COL4A4: variants seen among roughly 807,000 people sequenced by gnomAD.
COL4A4 encodes the protein collagen type IV alpha 4 chain, also known as collagen alpha-4(IV) chain.
Under a neutral mutation model 192.9 loss-of-function variants are expected in COL4A4, and 105 were observed. The observed-to-expected ratio is 0.54, with a 90% CI of 0.46 to 0.64. The LOEUF is 0.64. COL4A4 is among the 30% of genes least tolerant of loss of function. The probability of loss-of-function intolerance (pLI) is 0.00; values close to 1 mark genes in which losing one functional copy is unlikely to be tolerated. For missense variants in COL4A4, 1,967 were observed against 2,169.3 expected, an observed-to-expected ratio of 0.91 and a Z score of 1.85; for synonymous variants, 762 against 769.9, an observed-to-expected ratio of 0.99 and a Z score of 0.17.
At chr2:227,017,854 A>G (rs2149812471) in intron 44 of COL4A4, among the ~76,000 whole-genome samples, 1 of 152,272 alleles carries the variant, frequency 6.6e-6, no homozygotes, top group East Asian at 1.9e-4. Flanking sequence ...TTACATAGGT[A>G]AACTCATGTC....
chr2:227,161,140 A>G (rs1208441025), intron 1 of COL4A4, among the ~76,000 whole-genome samples: 2 of 152,248 alleles, frequency 1.3e-5, no homozygotes, highest in African/African-American at 2.4e-5. Flanking sequence ...AAGTCATTCA[A>G]CTTCATTTGT....
chr2:227,067,872 C>T (rs1322357048), intron 25 of COL4A4, among the ~76,000 whole-genome samples: 2 of 144,608 alleles, frequency 1.4e-5, no homozygotes, highest in African/African-American at 5.2e-5. Flanking sequence ...AAAATCAGAG[C>T]AGGACTGAAA....
chr2:226,984,980 A>G, the COL4A4 span, among the ~76,000 whole-genome samples: 1 of 150,742 alleles, frequency 6.6e-6, no homozygotes, highest in Non-Finnish European at 1.5e-5. Flanking sequence ...GGGGGCAAGT[A>G]CAAGTGGGGG....
chr2:227,028,154 C>G lies in COL4A4; in HGVS notation c.3974-145G>C. 2 of 672,130 alleles carry G rather than the reference C, an allele frequency of 3.0e-6. 1 individual carries two copies. Among genetic ancestry groups the G allele is most frequent in the Non-Finnish European group, 5.2e-6 (2 of 386,652 alleles). The allele number at this position is 672,130 out of a possible 1,614,324, so 41.6% of individuals were successfully genotyped here. A position where few individuals can be genotyped will look rare whatever the true frequency, so the allele number is the denominator to read the frequency against. On this transcript the variant is annotated intron_variant, in intron 41 of 47. Transcript: ENST00000396625. ...TGAGAGTCAAGATTAGCCTCGCCTTCTTCTGTGAGGCTTAGACGGGTTGCC... is the reference window on the plus strand; with the variant it reads ...TGAGAGTCAAGATTAGCCTCGCCTTGTTCTGTGAGGCTTAGACGGGTTGCC...
intron 3 of COL4A4, among the ~76,000 whole-genome samples, chr2:227,141,933 A>G (rs1427243132): frequency 2.6e-5 from 4 of 152,140 alleles, no homozygotes; most frequent in Non-Finnish European, 5.9e-5. Flanking sequence ...TGAAATATCA[A>G]AACAACTAGA....
Position 227,150,629 on chromosome 2 carries a change from G to A in COL4A4, c.-101-3045C>T, listed in dbSNP as rs191358738. Among the ~76,000 whole-genome samples the A allele has an allele frequency of 9.8e-4, 149 of 152,246 alleles. No individual in the cohort carries two copies. The South Asian group carries it at 0.02, about 20-fold the overall frequency. On this transcript the variant is annotated intron_variant, in intron 1 of 47. Coordinates refer to ENST00000396625, the MANE Select transcript of COL4A4 (RefSeq NM_000092.5). Reference sequence around the variant, plus strand: ...AGGAGATTAATTGATTTGCATTTCCGCATGGTTGGGGAGGCCTCAGGAAAT... The same window carrying A: ...AGGAGATTAATTGATTTGCATTTCCACATGGTTGGGGAGGCCTCAGGAAAT...
At chr2:226,988,650 A>C in the COL4A4 span, 2 of 985,180 alleles carry the variant, frequency 2.0e-6, no homozygotes, top group Non-Finnish European at 1.2e-6. Context: ...TTCTGAGAGG[A>C]AGGTAGGATT....
rs551047850 is a variant in COL4A4, at chr2:227,076,951, G to A, written c.1987+943C>T. 6.0e-4 allele frequency among the ~76,000 whole-genome samples: 92 copies of A among 152,176 alleles called. No individual in the cohort carries two copies. The Middle Eastern group carries it at 0.017, about 28-fold the overall frequency. On this transcript the variant is annotated intron_variant, in intron 25 of 47. Transcript: ENST00000396625. ...AAACCACAATGAGATACCATCTCAC[G>A]GCAGTTAGAGTAGAGATTATTAAAA...
At chr2:227,160,274 G>A (rs1017612116) in intron 1 of COL4A4, among the ~76,000 whole-genome samples, 1 of 152,190 alleles carries the variant, frequency 6.6e-6, no homozygotes, top group African/African-American at 2.4e-5. Context: ...GGCACGATGT[G>A]TGTGATGAGT....
At chr2:227,077,836 A>G in intron 25 of COL4A4, 58 bp downstream of exon 25, 2 of 1,470,846 alleles carry the variant, frequency 1.4e-6, no homozygotes, top group Non-Finnish European at 1.9e-6. Context: ...TCCACATAAG[A>G]AAAATAAACA....
rs1559475590 is a variant in COL4A4 at position 227,041,767 on chromosome 2, G to GGA, written c.3505+380_3505+381insTC. Among the ~76,000 whole-genome samples, 118 of 114,438 alleles carry GGA rather than the reference G, an allele frequency of 1.0e-3. 1 individual carries two copies. The highest frequency in any genetic ancestry group is 1.2e-3 in the African/African-American group (31 of 25,564). 75.1% of individuals were successfully genotyped at this position (114,438 alleles called of 152,430 possible). ...GGAAGGAAGGAAGGAAGGAAGGAAG[G>GGA]AAGGAAGGAAGGAAGGAAGGGAAAG... On this transcript the variant is annotated intron_variant, in intron 37 of 47. Transcript: ENST00000396625.
At chr2:227,047,600 C>T (rs1973153558) in intron 34 of COL4A4, 51 bp from the exon 35 acceptor site, 1 of 1,270,018 alleles carries the variant, frequency 7.9e-7, no homozygotes, top group African/African-American at 1.5e-5. Context: ...TTAATTTGGT[C>T]TCATACAGGT....
intron 20 of COL4A4, among the ~76,000 whole-genome samples, chr2:227,090,587 T>C (rs56281628): frequency 0.43 from 65,262 of 151,258 alleles, 14,643 homozygotes; most frequent in South Asian, 0.53. Flanking sequence ...CCCCCATCTC[T>C]GCAAAATCAC....
intron 8 of COL4A4, among the ~76,000 whole-genome samples, chr2:227,113,411 C>T (rs78374820): frequency 0.035 from 5,295 of 152,160 alleles, 303 homozygotes; most frequent in African/African-American, 0.12. Context: ...TCCTCTATTA[C>T]CACAATTACA....
intron 37 of COL4A4, among the ~76,000 whole-genome samples, chr2:227,041,034 G>C (rs544582489): frequency 3.9e-5 from 6 of 151,976 alleles, no homozygotes; most frequent in Non-Finnish European, 7.4e-5. Flanking sequence ...TACAGACCAA[G>C]AAATTCAACC....
intron 1 of COL4A4, among the ~76,000 whole-genome samples, chr2:227,160,318 TC>T (rs2064719496): frequency 6.6e-6 from 1 of 152,210 alleles, no homozygotes; most frequent in African/African-American, 2.4e-5. Context: ...TCCCACTCTT[TC>T]CAGGCATGTG....
chr2:227,072,298 C>T (rs1256983683), intron 25 of COL4A4, among the ~76,000 whole-genome samples: 1 of 151,826 alleles, frequency 6.6e-6, no homozygotes, highest in Non-Finnish European at 1.5e-5. Flanking sequence ...ACTAGGAAAT[C>T]TAGAGGAAAT....
At chr2:227,161,090 G>A (rs947156650) in intron 1 of COL4A4, among the ~76,000 whole-genome samples, 1 of 152,206 alleles carries the variant, frequency 6.6e-6, no homozygotes, top group African/African-American at 2.4e-5. Context: ...ATGAACTTAG[G>A]AAGAAACCAG....
chr2:226,999,243 A>T (rs1263192989), downstream of COL4A4: 5 of 152,350 alleles, frequency 3.3e-5, no homozygotes, highest in East Asian at 9.6e-4. Flanking sequence ...CCAGTGGCGC[A>T]CATAAACACT....
Sources: gnomAD v4.1 joint callset for allele counts (sites outside exome capture counted in the v4.1 genomes callset) on GRCh38, gnomAD v4.1.1 for gene constraint, MANE v1.5 for transcripts, NCBI Gene and HGNC (gene_info 2026-07-23, HGNC 2026-07-21) for gene names.